The following DNAH12 variants were observed in gnomAD, a reference collection of about 807,000 sequenced individuals.
The protein encoded by DNAH12 is axonemal beta dynein heavy chain 12.
In DNAH12, 285 loss-of-function variants were observed where a neutral mutation model predicts 371.5. The ratio of observed to expected loss-of-function variants is 0.77; its 90% CI spans 0.70 to 0.85. DNAH12 has a LOEUF of 0.85. DNAH12 is among the 40% of genes least tolerant of loss of function. The pLI, the probability that DNAH12 is intolerant of heterozygous loss-of-function variation, is 0.00. For synonymous variants in DNAH12, 1,200 were observed against 1,213.0 expected, an observed-to-expected ratio of 0.99 and a Z score of 0.22; for missense variants, 3,611 against 3,689.4, an observed-to-expected ratio of 0.98 and a Z score of 0.55.
At chr3:57,378,805 C>CT (rs2063331466) in intron 52 of DNAH12, among the ~76,000 whole-genome samples, 3 of 152,204 alleles carry the variant, frequency 2.0e-5, no homozygotes, top group Non-Finnish European at 4.4e-5. Context: ...TTTGAATCAA[C>CT]TTTTTAATCT....
intron 60 of DNAH12, among the ~76,000 whole-genome samples, chr3:57,340,762 T>G (rs1553655795): frequency 6.6e-6 from 1 of 152,140 alleles, no homozygotes; most frequent in African/African-American, 2.4e-5. Context: ...TCTCAAACTA[T>G]TCCCAAAAAT....
intron 26 of DNAH12, 27 bp downstream of exon 26, chr3:57,446,510 A>G: frequency 6.6e-7 from 1 of 1,511,450 alleles, no homozygotes; most frequent in Non-Finnish European, 8.9e-7. Flanking sequence ...GAAACATTTA[A>G]TATTATTGAT....
At chr3:57,471,661 G>C in intron 14 of DNAH12, 55 bp from the exon 15 acceptor site, 2 of 1,420,048 alleles carry the variant, frequency 1.4e-6, no homozygotes, top group Non-Finnish European at 9.3e-7. Context: ...GAATTATCAA[G>C]TCAGAAATCC....
rs2062754678 is a variant in DNAH12, at chr3:57,354,551, A to AAAAAAAAAAG, written c.9534-2327_9534-2326insCTTTTTTTTT. ...TGTCTTGTTTGCTAAAAAAAAAAAGAAAAAAAAAAAGAAAAAAAATCTAAA... is the reference window on the plus strand; with the variant it reads ...TGTCTTGTTTGCTAAAAAAAAAAAGAAAAAAAAAAGAAAAAAAAAAGAAAAAAAATCTAAA... On this transcript the variant is annotated intron_variant, in intron 59 of 73. Transcript: ENST00000495027. Among the ~76,000 whole-genome samples the AAAAAAAAAAG allele has an allele frequency of 5.6e-3, 786 of 139,506 alleles. 14 individuals are homozygous for AAAAAAAAAAG. The highest frequency in any genetic ancestry group is 0.019 in the African/African-American group (743 of 38,202). 91.5% of individuals were successfully genotyped at this position (139,506 alleles called of 152,430 possible). A position where few individuals can be genotyped will look rare whatever the true frequency, so the allele number is the denominator to read the frequency against.
At position 57,428,683 on chromosome 3, in the gene DNAH12, A is replaced by G; in HGVS notation, c.5203T>C (p.Phe1735Leu). 1 of 1,549,972 alleles carries G rather than the reference A, an allele frequency of 6.5e-7. No homozygotes were observed. ...AAAGAGGGTGGTATTAACCAGGCAA[A>G]AAGTCCTCTCAGAAGAGCTTGATAT... is the stretch of plus-strand genomic sequence containing the variant. ...PEYQALLRGL[F>L]AWLIPPSLNQ... is the part of the protein sequence containing the mutation. Residue 1735 changes from phenylalanine (F) to leucine (L), a missense_variant, in exon 34 of 74, where the codon TTT becomes CTT. By Grantham distance (22) the Phe-to-Leu change is conservative. Transcript: ENST00000495027.
chr3:57,460,074 C>G (rs1044136609), intron 19 of DNAH12, among the ~76,000 whole-genome samples: 29 of 152,046 alleles, frequency 1.9e-4, no homozygotes, highest in Non-Finnish European at 4.4e-5. Context: ...AGAATATATC[C>G]TTCTCTACCA....
intron 58 of DNAH12, among the ~76,000 whole-genome samples, chr3:57,361,563 T>C (rs2062937617): frequency 6.6e-6 from 1 of 150,978 alleles, no homozygotes; most frequent in Non-Finnish European, 1.5e-5. Context: ...CCTCAACTCT[T>C]ATACCTGTCT....
At chr3:57,510,741 G>A (rs2067961866) in intron 5 of DNAH12, 49 bp downstream of exon 5, 3 of 1,562,404 alleles carry the variant, frequency 1.9e-6, no homozygotes, top group African/African-American at 1.4e-5. Flanking sequence ...AGTGGGGACG[G>A]GGGGAGGCCA....
At chr3:57,413,983 C>A in intron 38 of DNAH12, 71 bp from the exon 39 acceptor site, 1 of 1,435,878 alleles carries the variant, frequency 7.0e-7, no homozygotes, top group South Asian at 1.4e-5. Flanking sequence ...TATATTAAAT[C>A]AGTATCAACA....
At chr3:57,507,077 T>A (rs2067788820) in intron 8 of DNAH12, among the ~76,000 whole-genome samples, 4 of 151,848 alleles carry the variant, frequency 2.6e-5, no homozygotes. Flanking sequence ...TTCATGGAAT[T>A]GTTGGAGGTC....
At chr3:57,462,598 C>T (rs2066087243) in intron 18 of DNAH12, 92 bp downstream of exon 18, 4 of 1,423,836 alleles carry the variant, frequency 2.8e-6, no homozygotes, top group Non-Finnish European at 3.7e-6. Context: ...CCGCGCTATC[C>T]AGTACTATAC....
At chr3:57,488,208 T>G (rs538836786) in intron 12 of DNAH12, among the ~76,000 whole-genome samples, 4 of 152,302 alleles carry the variant, frequency 2.6e-5, no homozygotes, top group African/African-American at 9.6e-5. Flanking sequence ...TTTGTTTGTT[T>G]TTGAGATGGA....
chr3:57,302,532 TATATA>T (rs1559535163), intron 69 of DNAH12, among the ~76,000 whole-genome samples: 1,022 of 37,780 alleles, frequency 0.027, 71 homozygotes, highest in Non-Finnish European at 0.035. Context: ...ATCAGGTGTA[TATATA>T]TATATATATA....
At chr3:57,397,442 A>G (rs1170710891) in intron 43 of DNAH12, among the ~76,000 whole-genome samples, 2 of 152,204 alleles carry the variant, frequency 1.3e-5, no homozygotes, top group African/African-American at 4.8e-5. Context: ...GAAGAAATAT[A>G]GTTGAACTTG....
chr3:57,432,031 G>T (rs1203198671), intron 32 of DNAH12, among the ~76,000 whole-genome samples: 3 of 152,004 alleles, frequency 2.0e-5, no homozygotes, highest in Non-Finnish European at 4.4e-5. Context: ...TGAACCCTTA[G>T]ACTTCACTCT....
intron 13 of DNAH12, among the ~76,000 whole-genome samples, chr3:57,483,102 A>G (rs2066805219): frequency 5.7e-5 from 1 of 17,494 alleles, no homozygotes; most frequent in Non-Finnish European, 1.4e-4. Flanking sequence ...CAACATTGAA[A>G]AAAAAAAAAA....
chr3:57,438,918 C>CGAAAAAAAAAAAAAAAAAA lies in DNAH12; in HGVS notation c.4546-1859_4546-1858insTTTTTTTTTTTTTTTTTTC, dbSNP rs562343761. Among the ~76,000 whole-genome samples the CGAAAAAAAAAAAAAAAAAA allele has an allele frequency of 4.1e-3, 385 of 94,458 alleles. 58 individuals carry two copies. Among genetic ancestry groups the CGAAAAAAAAAAAAAAAAAA allele is most frequent in the Middle Eastern group, 7.5e-3 (1 of 134 alleles). 62.0% of individuals were successfully genotyped at this position (94,458 alleles called of 152,430 possible). ...CAACAGAGTGAAACTCTGTCTCAGA[C>CGAAAAAAAAAAAAAAAAAA]AAAAAAAAAAAAAAGGAAAGCAACT... On this transcript the variant is annotated intron_variant, in intron 29 of 73. Transcript: ENST00000495027.
At chr3:57,481,867 T>C (rs1486402547) in intron 13 of DNAH12, among the ~76,000 whole-genome samples, 1 of 152,104 alleles carries the variant, frequency 6.6e-6, no homozygotes, top group Admixed American at 6.6e-5. Flanking sequence ...TGGCTAGCCA[T>C]ATGTAGCAAG....
At chr3:57,543,323 T>G (rs1052065074) in intron 1 of DNAH12, among the ~76,000 whole-genome samples, 3 of 137,410 alleles carry the variant, frequency 2.2e-5, no homozygotes, top group East Asian at 4.1e-4. Flanking sequence ...TGGTTTTTTT[T>G]TTTTTTTTTT....
Sources: gnomAD v4.1 joint callset for allele counts (sites outside exome capture counted in the v4.1 genomes callset) on GRCh38, gnomAD v4.1.1 for gene constraint, MANE v1.5 for transcripts, NCBI Gene and HGNC (gene_info 2026-07-23, HGNC 2026-07-21) for gene names.